Variants in R3HCC1L observed in about 807,000 individuals in gnomAD.
R3HCC1L encodes the protein R3H domain and coiled-coil containing 1 like.
R3HCC1L carries 51 observed loss-of-function variants against 59.9 expected under a neutral mutation model. The observed-to-expected ratio is 0.85, with a 90% CI of 0.68 to 1.07. The LOEUF (loss-of-function observed/expected upper bound fraction) is 1.07. R3HCC1L is among the 50% of genes least tolerant of loss of function. R3HCC1L has a pLI of 0.00. For missense variants in R3HCC1L, 965 were observed against 933.0 expected, an observed-to-expected ratio of 1.03 and a Z score of -0.45; for synonymous variants, 322 against 315.2, an observed-to-expected ratio of 1.02 and a Z score of -0.23.
At position 98,139,373 on chromosome 10, in the gene R3HCC1L, C is replaced by G. The variant is rs1174743370; in HGVS notation, c.-268+4667C>G. Among the ~76,000 whole-genome samples, 4 of 152,282 alleles carry G rather than the reference C, an allele frequency of 2.6e-5. No individual in the cohort carries two copies. In the East Asian group the frequency reaches 7.7e-4, roughly 29 times the overall value. ...GGATGATCTTTGACAACCCCAGTAA[C>G]CTAAGCTTATAATTTAGACATTTCT... On this transcript the variant is annotated intron_variant, in intron 1 of 9. Coordinates refer to ENST00000298999, the MANE Select transcript of R3HCC1L (RefSeq NM_001351015.2).
chr10:98,160,571 C>T (rs1847316476), intron 2 of R3HCC1L, among the ~76,000 whole-genome samples: 1 of 152,072 alleles, frequency 6.6e-6, no homozygotes, highest in Non-Finnish European at 1.5e-5. Flanking sequence ...ATTAATTTTC[C>T]TTCTCTAACA....
chr10:98,194,254 G>C (rs548734796), intron 4 of R3HCC1L, among the ~76,000 whole-genome samples: 1 of 152,038 alleles, frequency 6.6e-6, no homozygotes, highest in South Asian at 2.1e-4. Context: ...TCAATAAATC[G>C]TGTTGGGAAA....
At chr10:98,147,654 G>C (rs975565737) in intron 1 of R3HCC1L, among the ~76,000 whole-genome samples, 2 of 152,024 alleles carry the variant, frequency 1.3e-5, no homozygotes, top group Non-Finnish European at 2.9e-5. Flanking sequence ...AGCACCATTT[G>C]TTGAAGAGAC....
chr10:98,206,475 T>C (rs1364677299), intron 4 of R3HCC1L, among the ~76,000 whole-genome samples: 1 of 152,176 alleles, frequency 6.6e-6, no homozygotes, highest in Non-Finnish European at 1.5e-5. Flanking sequence ...GTCATTTTTG[T>C]GTCAGTTGCA....
chr10:98,191,271 C>A (rs1227195877), intron 4 of R3HCC1L, among the ~76,000 whole-genome samples: 3 of 152,202 alleles, frequency 2.0e-5, no homozygotes, highest in African/African-American at 7.2e-5. Context: ...CTCCCACCAA[C>A]AGTGTAAAAG....
Position 98,197,070 on chromosome 10 carries a change from G to A in R3HCC1L, c.-14-11031G>A, listed in dbSNP as rs555740974. 1.2e-3 allele frequency among the ~76,000 whole-genome samples: 185 copies of A among 151,854 alleles called. 1 individual carries two copies. Among genetic ancestry groups the A allele is most frequent in the Non-Finnish European group, 2.0e-3 (138 of 67,880 alleles). ...TTCAAGTGATTTCTCCTACCTCAGCGTCCCAAGTAGCTGGGATTACAGGCG... is the reference window on the plus strand; with the variant it reads ...TTCAAGTGATTTCTCCTACCTCAGCATCCCAAGTAGCTGGGATTACAGGCG... On this transcript the variant is annotated intron_variant, in intron 4 of 9. Transcript: ENST00000298999.
rs771654574 is a variant in R3HCC1L, at chr10:98,208,593, G to T, written c.479G>T (p.Arg160Met). ...ACTACGGATGTGACAGGACATGAGAGGATACTTCTTTCACAGGCCTGTTTA... is the reference window on the plus strand; with the variant it reads ...ACTACGGATGTGACAGGACATGAGATGATACTTCTTTCACAGGCCTGTTTA... ...VETTDVTGHERILLSQACLEI... is the reference protein window; with the variant it reads ...VETTDVTGHEMILLSQACLEI... Residue 160 changes from arginine to methionine, a missense_variant, in exon 5 of 10, where the codon AGG becomes ATG. Transcript: ENST00000298999. 8 of 1,614,070 alleles carry T rather than the reference G, an allele frequency of 5.0e-6. No individual in the cohort carries two copies. In the South Asian group the frequency reaches 7.7e-5, roughly 16 times the overall value.
chr10:98,172,492 A>T (rs1022507094), intron 4 of R3HCC1L, among the ~76,000 whole-genome samples: 11 of 152,168 alleles, frequency 7.2e-5, no homozygotes, highest in African/African-American at 2.7e-4. Flanking sequence ...TGGGCTTCTG[A>T]CCGCTGAAAT....
At chr10:98,160,853 C>T (rs1454145300) in intron 2 of R3HCC1L, among the ~76,000 whole-genome samples, 2 of 152,100 alleles carry the variant, frequency 1.3e-5, no homozygotes, top group East Asian at 1.9e-4. Flanking sequence ...ATGTGTTTTT[C>T]CCCCCTCAGG....
At chr10:98,210,309 A>C (rs923764837) in intron 5 of R3HCC1L, among the ~76,000 whole-genome samples, 1 of 152,128 alleles carries the variant, frequency 6.6e-6, no homozygotes, top group African/African-American at 2.4e-5. Context: ...GACACTGTAG[A>C]GGGAAGGAAG....
chr10:98,212,636 C>CT (rs530778018), intron 5 of R3HCC1L, among the ~76,000 whole-genome samples: 10 of 152,146 alleles, frequency 6.6e-5, no homozygotes, highest in Non-Finnish European at 1.0e-4. Flanking sequence ...ATTGGCATGA[C>CT]TTTTTTTAGC....
intron 5 of R3HCC1L, among the ~76,000 whole-genome samples, chr10:98,212,974 A>G (rs943204776): frequency 7.9e-5 from 12 of 152,166 alleles, no homozygotes; most frequent in African/African-American, 2.7e-4. Context: ...GGGTAAGAGA[A>G]GAGTAAAAGG....
At chr10:98,178,015 C>T (rs1426155645) in intron 4 of R3HCC1L, among the ~76,000 whole-genome samples, 1 of 152,162 alleles carries the variant, frequency 6.6e-6, no homozygotes, top group Non-Finnish European at 1.5e-5. Context: ...TGCCTGTTCA[C>T]TCTGATGGTA....
intron 1 of R3HCC1L, among the ~76,000 whole-genome samples, chr10:98,139,338 G>A (rs1249004780): frequency 6.6e-6 from 1 of 152,130 alleles, no homozygotes; most frequent in East Asian, 1.9e-4. Flanking sequence ...TATAAAACTC[G>A]TGACCTGTAG....
chr10:98,181,064 T>G (rs951588186), intron 4 of R3HCC1L, among the ~76,000 whole-genome samples: 3 of 152,214 alleles, frequency 2.0e-5, no homozygotes, highest in Non-Finnish European at 2.9e-5. Context: ...AGGTTAATAT[T>G]GTTATGTGTG....
chr10:98,192,583 T>G (rs1850982476), intron 4 of R3HCC1L, among the ~76,000 whole-genome samples: 1 of 152,052 alleles, frequency 6.6e-6, no homozygotes, highest in South Asian at 2.1e-4. Context: ...ATAACAAGAC[T>G]GAATAATGAA....
intron 4 of R3HCC1L, among the ~76,000 whole-genome samples, chr10:98,166,652 A>G (rs893884394): frequency 1.3e-5 from 2 of 152,186 alleles, no homozygotes; most frequent in African/African-American, 4.8e-5. Context: ...AGTTAGAGAC[A>G]TATATTCCCT....
intron 4 of R3HCC1L, among the ~76,000 whole-genome samples, chr10:98,204,705 A>G (rs1382854671): frequency 6.6e-6 from 1 of 152,136 alleles, no homozygotes; most frequent in Non-Finnish European, 1.5e-5. Flanking sequence ...GAGAGACCAC[A>G]TTCACGTAAC....
At chr10:98,201,901 T>TTA (rs1852087918) in intron 4 of R3HCC1L, among the ~76,000 whole-genome samples, 1 of 140,620 alleles carries the variant, frequency 7.1e-6, no homozygotes, top group African/African-American at 2.5e-5. Context: ...TTTTTTTTTT[T>TTA]AAAGAGACGG....
Sources: gnomAD v4.1 joint callset for allele counts (sites outside exome capture counted in the v4.1 genomes callset) on GRCh38, gnomAD v4.1.1 for gene constraint, MANE v1.5 for transcripts, NCBI Gene and HGNC (gene_info 2026-07-23, HGNC 2026-07-21) for gene names.